The following DLGAP1 variants were observed in gnomAD, a reference collection of about 807,000 sequenced individuals.
The protein encoded by DLGAP1 is DLG associated protein 1.
DLGAP1 carries 11 observed loss-of-function variants against 90.8 expected under a neutral mutation model. The ratio of observed to expected loss-of-function variants is 0.12; its 90% CI spans 0.08 to 0.20. DLGAP1 has a LOEUF of 0.20. Ranked by LOEUF, DLGAP1 falls within the 10% of genes least tolerant of loss-of-function variation. The pLI is 1.00. For synonymous variants in DLGAP1, 558 were observed against 540.7 expected (o/e 1.03, Z -0.44); for missense variants, 1,050 against 1,333.8 (o/e 0.79, Z 3.31).
rs1170079311 is a variant in DLGAP1 at position 3,600,943 on chromosome 18, G to GATATAT, written c.1592-18701_1592-18696dup. Among the ~76,000 whole-genome samples the GATATAT allele has an allele frequency of 4.3e-5, 3 of 70,420 alleles. 1 individual carries two copies. Among genetic ancestry groups the GATATAT allele is most frequent in the African/African-American group, 1.5e-4 (3 of 19,414 alleles). 46.2% of individuals were successfully genotyped at this position (70,420 alleles called of 152,430 possible). A position where few individuals can be genotyped will look rare whatever the true frequency, so the allele number is the denominator to read the frequency against. On this transcript the variant is annotated intron_variant, in intron 7 of 12. Coordinates refer to ENST00000315677, the MANE Select transcript of DLGAP1 (RefSeq NM_004746.4). Reference sequence around the variant, plus strand: ...ATAGATATATATAGATATATAGATAGATATATAGATATATATAGATATATA... The same window carrying GATATAT: ...ATAGATATATATAGATATATAGATAGATATATATATATAGATATATATAGATATATA...
At chr18:3,846,043 G>GGTGTGTGTGTGTGT (rs35460885) in intron 4 of DLGAP1, among the ~76,000 whole-genome samples, 1,595 of 145,102 alleles carry the variant, frequency 0.011, 16 homozygotes, top group Non-Finnish European at 0.013. Flanking sequence ...TTGAAAGTGT[G>GGTGTGTGTGTGTGT]GTGTGTGTGT....
At chr18:3,807,030 C>T (rs764619656) in intron 5 of DLGAP1, among the ~76,000 whole-genome samples, 35 of 152,194 alleles carry the variant, frequency 2.3e-4, no homozygotes, top group Admixed American at 1.4e-3. Flanking sequence ...TGTCAGCCAG[C>T]GCCTTCTGCA....
Position 3,660,494 on chromosome 18 carries a change from C to CA in DLGAP1, c.1591+68640dup, listed in dbSNP as rs141305863. On this transcript the variant is annotated intron_variant, in intron 7 of 12. Coordinates refer to ENST00000315677, the MANE Select transcript of DLGAP1 (RefSeq NM_004746.4). This position sits in a 1 kb window ranked among gnomAD's most constrained non-coding sequence, Gnocchi z 4.2. ...AAATTTGTAGCATAGAGCAAACACA[C>CA]AAAAAATATTTACTGAATGAAAAGG... Among the ~76,000 whole-genome samples the CA allele has an allele frequency of 0.011, 1,599 of 152,286 alleles. 28 individuals are homozygous for CA. Among genetic ancestry groups the CA allele is most frequent in the African/African-American group, 0.036 (1,495 of 41,552 alleles).
rs536192619 is a variant in DLGAP1, at chr18:3,793,295, T to C, written c.1172+20764A>G. 2.4e-3 allele frequency among the ~76,000 whole-genome samples: 359 copies of C among 152,216 alleles called. 1 individual carries two copies. The highest frequency in any genetic ancestry group is 4.1e-3 in the Non-Finnish European group (280 of 68,004). On this transcript the variant is annotated intron_variant, in intron 5 of 12. Transcript: ENST00000315677. The stretch of plus-strand genomic sequence containing the variant: ...CCTGCCCTCAGGATGGGCACATACC[T>C]GTCCACTGCCCCACCCTGTTCTCAC...
At chr18:3,844,468 G>GT (rs1344750909) in intron 4 of DLGAP1, among the ~76,000 whole-genome samples, 1 of 152,284 alleles carries the variant, frequency 6.6e-6, no homozygotes, top group East Asian at 1.9e-4. Context: ...TCACAAAAAA[G>GT]TGAAGCCATC....
In DLGAP1 at chr18:3,742,319, C is replaced by T. The variant is rs1276212544; in HGVS notation, c.1350+16G>A. On this transcript the variant is annotated intron_variant, in intron 6 of 12. Transcript: ENST00000315677. Reference sequence around the variant, plus strand: ...CACTAATGGCTCCTGACCACCGCTGCCCTGACGGCCCTCACCTGGCTGATG... The same window carrying T: ...CACTAATGGCTCCTGACCACCGCTGTCCTGACGGCCCTCACCTGGCTGATG... 6.2e-7 allele frequency: 1 copy of T among 1,610,308 alleles called. No homozygotes were observed. The highest frequency in any genetic ancestry group is 2.2e-5 in the East Asian group (1 of 44,754).
chr18:3,741,228 TCACCAC>T (rs1332964689), intron 6 of DLGAP1, among the ~76,000 whole-genome samples: 3 of 55,940 alleles, frequency 5.4e-5, no homozygotes, highest in African/African-American at 7.4e-5. Context: ...CACATCACCA[TCACCAC>T]CACCACCATC....
At chr18:3,601,439 G>GGTGTGTGTGT (rs112583120) in intron 7 of DLGAP1, among the ~76,000 whole-genome samples, 2 of 148,022 alleles carry the variant, frequency 1.4e-5, no homozygotes, top group African/African-American at 5.0e-5. Flanking sequence ...CATATGCAAG[G>GGTGTGTGTGT]GTGTGTGTGT....
chr18:3,757,614 CA>C (rs1171837437), intron 5 of DLGAP1, among the ~76,000 whole-genome samples: 1 of 152,094 alleles, frequency 6.6e-6, no homozygotes, highest in Admixed American at 6.6e-5. Flanking sequence ...TAATATAATA[CA>C]CCATATTAAG....
chr18:3,978,113 T>C (rs992285425), intron 3 of DLGAP1: 3 of 443,342 alleles, frequency 6.8e-6, no homozygotes, highest in Non-Finnish European at 1.4e-5. Flanking sequence ...TGGCCATGAG[T>C]CCTTCCACGA....
At chr18:4,286,160 C>CA (rs1255173480) in intron 1 of DLGAP1, among the ~76,000 whole-genome samples, 1 of 151,828 alleles carries the variant, frequency 6.6e-6, no homozygotes, top group Non-Finnish European at 1.5e-5. Context: ...ATCCAGAAGC[C>CA]AAAAAGGAAG....
chr18:4,215,204 AATT>A (rs1408708105), intron 1 of DLGAP1, among the ~76,000 whole-genome samples: 2 of 152,188 alleles, frequency 1.3e-5, no homozygotes, highest in Admixed American at 6.6e-5. Flanking sequence ...CATCTGCATA[AATT>A]ATTTTTATTG....
chr18:3,741,491 C>T (rs1197145119), intron 6 of DLGAP1, among the ~76,000 whole-genome samples: 1 of 151,612 alleles, frequency 6.6e-6, no homozygotes, highest in Non-Finnish European at 1.5e-5. Flanking sequence ...ACTACCACTA[C>T]CACTGCCATC....
intron 1 of DLGAP1, among the ~76,000 whole-genome samples, chr18:4,185,877 A>T (rs1032073493): frequency 1.3e-5 from 2 of 152,102 alleles, no homozygotes; most frequent in Admixed American, 1.3e-4. Context: ...TTTCACAATG[A>T]TTGAACTAGT....
intron 5 of DLGAP1, among the ~76,000 whole-genome samples, chr18:3,765,142 T>TTTTTTTTTTG: frequency 6.9e-6 from 1 of 144,866 alleles, no homozygotes. Flanking sequence ...TTTTTTTTTT[T>TTTTTTTTTTG]TTTGAGACAG....
intron 1 of DLGAP1, among the ~76,000 whole-genome samples, chr18:4,281,279 A>G (rs618719): frequency 0.28 from 42,265 of 152,082 alleles, 6,848 homozygotes; most frequent in African/African-American, 0.45. Flanking sequence ...GGCCGGGCGC[A>G]GTGGCTCATG....
chr18:3,547,499 T>C (rs2053126043), intron 9 of DLGAP1, among the ~76,000 whole-genome samples: 1 of 151,132 alleles, frequency 6.6e-6, no homozygotes, highest in African/African-American at 2.4e-5. Flanking sequence ...AAATGGCCAA[T>C]AGAGACATGA....
intron 10 of DLGAP1, among the ~76,000 whole-genome samples, chr18:3,515,605 C>A (rs144547931): frequency 6.6e-6 from 1 of 151,910 alleles, no homozygotes; most frequent in African/African-American, 2.4e-5. Flanking sequence ...ATGGCAAAAC[C>A]CCATCTCTAC....
chr18:4,075,294 T>C (rs536988986), intron 2 of DLGAP1, among the ~76,000 whole-genome samples: 22 of 152,302 alleles, frequency 1.4e-4, no homozygotes, highest in African/African-American at 4.1e-4. Context: ...GCTAGTTCTA[T>C]TCTTCTGAGT....
Sources: gnomAD v4.1 joint callset for allele counts (sites outside exome capture counted in the v4.1 genomes callset) on GRCh38, gnomAD v4.1.1 for gene constraint, Gnocchi (gnomAD v3.1) non-coding constraint, MANE v1.5 for transcripts, NCBI Gene and HGNC (gene_info 2026-07-23, HGNC 2026-07-21) for gene names.